HPSE2: variants seen among roughly 807,000 people sequenced by gnomAD.
HPSE2 encodes heparanase 2 (inactive), also known as inactive heparanase-2.
HPSE2 carries 38 observed loss-of-function variants against 60.5 expected under a neutral mutation model. That is an observed-to-expected ratio of 0.63 (90% CI 0.48 to 0.82). The LOEUF is 0.82. Among genes scored for constraint, HPSE2 ranks in the 40% least tolerant of loss-of-function variants. HPSE2 has a pLI of 0.00. For missense variants in HPSE2, 713 were observed against 740.4 expected (o/e 0.96, Z 0.43); for synonymous variants, 295 against 293.2 (o/e 1.01, Z -0.06).
At chr10:98,604,268 G>A (rs1945515215) in intron 9 of HPSE2, among the ~76,000 whole-genome samples, 1 of 151,368 alleles carries the variant, frequency 6.6e-6, no homozygotes, top group South Asian at 2.1e-4. Context: ...AAGCAGATGA[G>A]CAATGCAAGC....
Position 98,721,797 on chromosome 10 carries a change from C to T in HPSE2, c.816G>A (p.Arg272=), listed in dbSNP as rs1948932074. ...EPNNYRTMHG[R]AVNGSQLGKD... ...TTCCCAACTGGCTGCCATTTACTGC[C>T]CGGCCATGCATGGTCCGATAGTTAT... The change falls in exon 5 of 12, where the codon CGG becomes CGA. Residue 272 remains arginine, a synonymous_variant. Transcript: ENST00000370552. The T allele has an allele frequency of 1.2e-6, 2 of 1,613,454 alleles. No individual in the cohort carries two copies. Among genetic ancestry groups the T allele is most frequent in the African/African-American group, 2.7e-5 (2 of 74,878 alleles).
At position 98,545,421 on chromosome 10, in the gene HPSE2, T is replaced by C. The variant is rs943638887; in HGVS notation, c.1321-55225A>G. ...AAATCCTCAATAAAATACTGGCAAA[T>C]CGAATCCAGCAGCACATCAAAAAGC... On this transcript the variant is annotated intron_variant, in intron 9 of 11. Coordinates refer to ENST00000370552, the MANE Select transcript of HPSE2 (RefSeq NM_021828.5). 5.9e-4 allele frequency among the ~76,000 whole-genome samples: 89 copies of C among 152,074 alleles called. 1 individual carries two copies. Among genetic ancestry groups the C allele is most frequent in the African/African-American group, 1.7e-3 (71 of 41,448 alleles).
At chr10:98,970,552 A>G (rs559366474) in intron 3 of HPSE2, among the ~76,000 whole-genome samples, 36 of 152,328 alleles carry the variant, frequency 2.4e-4, no homozygotes, top group Non-Finnish European at 4.1e-4. Context: ...AAGATTAATG[A>G]TTCAATAACA....
At chr10:98,999,785 A>G (rs1956735204) in intron 3 of HPSE2, among the ~76,000 whole-genome samples, 1 of 152,208 alleles carries the variant, frequency 6.6e-6, no homozygotes, top group African/African-American at 2.4e-5. Flanking sequence ...AACACTCCAA[A>G]GATAGGCCTG....
intron 3 of HPSE2, among the ~76,000 whole-genome samples, chr10:98,860,448 T>C (rs1952430166): frequency 6.6e-6 from 1 of 152,214 alleles, no homozygotes. Context: ...AGAAAAACCA[T>C]AAAAATGGCT....
At chr10:98,578,800 A>G (rs1164066152) in intron 9 of HPSE2, among the ~76,000 whole-genome samples, 3 of 151,718 alleles carry the variant, frequency 2.0e-5, no homozygotes, top group African/African-American at 7.3e-5. Context: ...ATGCTCCTCC[A>G]TTTCCCTCTG....
rs144397827 is a variant in HPSE2 at position 98,595,865 on chromosome 10, C to T, written c.1320+19039G>A. Among the ~76,000 whole-genome samples, 424 of 152,096 alleles carry T rather than the reference C, an allele frequency of 2.8e-3. 1 individual carries two copies. The highest frequency in any genetic ancestry group is 4.9e-3 in the Non-Finnish European group (332 of 67,968). On this transcript the variant is annotated intron_variant, in intron 9 of 11. Coordinates refer to ENST00000370552, the MANE Select transcript of HPSE2 (RefSeq NM_021828.5). Reference sequence around the variant, plus strand: ...GTCATATATGGACTCTATTGTTTTGCGATACATTCTTTGTATACCTAATTG... The same window carrying T: ...GTCATATATGGACTCTATTGTTTTGTGATACATTCTTTGTATACCTAATTG...
In HPSE2 at chr10:98,939,819, C is replaced by T. The variant is rs905675424; in HGVS notation, c.611-195763G>A. On this transcript the variant is annotated intron_variant, in intron 3 of 11. Coordinates refer to ENST00000370552, the MANE Select transcript of HPSE2 (RefSeq NM_021828.5). The stretch of plus-strand genomic sequence containing the variant: ...ACACCACACCTATTCCAAAATTGAC[C>T]ACATAGGTGGAAGTAAAGCTCTCCT... 4.9e-5 allele frequency among the ~76,000 whole-genome samples: 7 copies of T among 143,462 alleles called. 3 individuals are homozygous for T. The highest frequency in any genetic ancestry group is 2.0e-4 in the African/African-American group (7 of 35,084). The allele number at this position is 143,462 out of a possible 152,430, so 94.1% of individuals were successfully genotyped here. A position where few individuals can be genotyped will look rare whatever the true frequency, so the allele number is the denominator to read the frequency against.
intron 3 of HPSE2, among the ~76,000 whole-genome samples, chr10:98,943,385 C>T (rs1185569012): frequency 6.6e-6 from 1 of 151,598 alleles, no homozygotes. Flanking sequence ...AATATATTAC[C>T]TATTAAAATA....
At chr10:98,914,111 G>A (rs929607343) in intron 3 of HPSE2, among the ~76,000 whole-genome samples, 4 of 152,188 alleles carry the variant, frequency 2.6e-5, no homozygotes, top group Non-Finnish European at 4.4e-5. Flanking sequence ...TATCGTGGGA[G>A]GGACCCAGTG....
intron 3 of HPSE2, among the ~76,000 whole-genome samples, chr10:98,817,379 C>G (rs1453534526): frequency 4.6e-5 from 7 of 152,152 alleles, no homozygotes; most frequent in Non-Finnish European, 8.8e-5. Context: ...TTACAATAAC[C>G]AAATTGGGGT....
At chr10:98,572,552 A>G (rs1944527069) in intron 9 of HPSE2, among the ~76,000 whole-genome samples, 1 of 151,966 alleles carries the variant, frequency 6.6e-6, no homozygotes, top group Non-Finnish European at 1.5e-5. Flanking sequence ...GAACTCTTAT[A>G]CCTGTCATTT....
intron 3 of HPSE2, among the ~76,000 whole-genome samples, chr10:99,073,088 CCAGAAA>C (rs1477257665): frequency 6.6e-6 from 1 of 152,032 alleles, no homozygotes; most frequent in African/African-American, 2.4e-5. Context: ...AGATCTAGAA[CCAGAAA>C]TACCATTTGC....
rs191085793 is a variant in HPSE2, at chr10:99,121,259, T to C, written c.610+22979A>G. On this transcript the variant is annotated intron_variant, in intron 3 of 11. Transcript: ENST00000370552. ...TAAACAATGAAAACAAATGGACACA[T>C]AGAGGGGCACAACAGATACTGGGGC... Among the ~76,000 whole-genome samples the C allele has an allele frequency of 1.1e-4, 16 of 151,816 alleles. No individual in the cohort carries two copies. The East Asian group carries it at 2.3e-3, about 22-fold the overall frequency.
chr10:99,181,622 A>G (rs1336503765), intron 2 of HPSE2, among the ~76,000 whole-genome samples: 1 of 152,144 alleles, frequency 6.6e-6, no homozygotes, highest in Non-Finnish European at 1.5e-5. Context: ...CAGCAAACAC[A>G]CACAGGAACA....
intron 7 of HPSE2, among the ~76,000 whole-genome samples, chr10:98,628,565 T>C (rs1471416082): frequency 6.6e-6 from 1 of 152,086 alleles, no homozygotes; most frequent in Non-Finnish European, 1.5e-5. Context: ...ATTACTTAAG[T>C]GAAGGTAAAG....
intron 9 of HPSE2, among the ~76,000 whole-genome samples, chr10:98,505,183 A>T (rs1942160988): frequency 1.3e-5 from 2 of 152,208 alleles, no homozygotes; most frequent in South Asian, 4.1e-4. Flanking sequence ...ATATACAAGT[A>T]AGAAAATCTA....
chr10:98,836,932 G>A (rs148248826), intron 3 of HPSE2, among the ~76,000 whole-genome samples: 1,817 of 152,188 alleles, frequency 0.012, 23 homozygotes, highest in African/African-American at 0.041. Context: ...CCAGCTACTC[G>A]GGAGGCTGAG....
intron 3 of HPSE2, among the ~76,000 whole-genome samples, chr10:98,943,928 A>T (rs944822006): frequency 6.6e-6 from 1 of 152,164 alleles, no homozygotes; most frequent in Non-Finnish European, 1.5e-5. Flanking sequence ...CCCCATAGAA[A>T]CTGAGATGAT....
Sources: allele counts gnomAD v4.1 joint callset (sites outside exome capture counted in the v4.1 genomes callset), GRCh38; gene constraint gnomAD v4.1.1; transcripts MANE v1.5; gene names NCBI Gene and HGNC (gene_info 2026-07-23, HGNC 2026-07-21).